The following EHMT1 variants were observed in gnomAD, a reference collection of about 807,000 sequenced individuals.
EHMT1 encodes the protein histone-lysine N-methyltransferase EHMT1.
In EHMT1, 15 loss-of-function variants were observed where a neutral mutation model predicts 147.2. The ratio of observed to expected loss-of-function variants is 0.10; its 90% CI spans 0.07 to 0.16. The LOEUF (loss-of-function observed/expected upper bound fraction) is 0.16, where lower values mean the gene tolerates loss of function less well. Among genes scored for constraint, EHMT1 ranks in the 10% least tolerant of loss-of-function variants. The pLI, the probability that EHMT1 is intolerant of heterozygous loss-of-function variation, is 1.00. For missense variants in EHMT1, 1,587 were observed against 1,772.4 expected (o/e 0.90, Z 1.88); for synonymous variants, 795 against 709.6 (o/e 1.12, Z -1.91).
intron 14 of EHMT1, 141 bp downstream of exon 14, chr9:137,779,858 G>A (rs1228169574): frequency 5.6e-6 from 5 of 893,808 alleles, no homozygotes; most frequent in East Asian, 5.3e-5. Flanking sequence ...TCTGATGAGT[G>A]AGAATAGGTT....
chr9:137,644,226 C>T (rs958200823), intron 1 of EHMT1, among the ~76,000 whole-genome samples: 3 of 151,914 alleles, frequency 2.0e-5, no homozygotes, highest in East Asian at 1.9e-4. Flanking sequence ...AAAGCAGCCA[C>T]GGGCAATACG....
At chr9:137,645,304 A>G (rs2133870846) in intron 1 of EHMT1, among the ~76,000 whole-genome samples, 1 of 152,338 alleles carries the variant, frequency 6.6e-6, no homozygotes, top group South Asian at 2.1e-4. Context: ...TGATTTACAT[A>G]TGTTTTTGTG....
intron 19 of EHMT1, 152 bp downstream of exon 19, chr9:137,811,767 C>G (rs79637613): frequency 9.5e-7 from 1 of 1,058,014 alleles, no homozygotes; most frequent in Non-Finnish European, 1.4e-6. Context: ...GTGTTCCACA[C>G]GCAGAGAAGT....
In EHMT1 at chr9:137,777,924, T is replaced by C. The variant is rs771584409; in HGVS notation, c.2061T>C (p.Gly687=). Residue 687 remains glycine, a synonymous_variant, in exon 13 of 27, where the codon GGT becomes GGC. Coordinates refer to ENST00000460843, the MANE Select transcript of EHMT1 (RefSeq NM_024757.5). Reference sequence around the variant, plus strand: ...TCTCGGAGGACGACAAGCTGCAGGGTGCAGCCTCCCACGTGCCCGAGGGCT... The same window carrying C: ...TCTCGGAGGACGACAAGCTGCAGGGCGCAGCCTCCCACGTGCCCGAGGGCT... The part of the protein sequence containing the change: ...PPLSEDDKLQ[G]AASHVPEGFD... 10 of 1,613,486 alleles carry C rather than the reference T, an allele frequency of 6.2e-6. No homozygotes were observed. The East Asian group carries it at 1.6e-4, about 25-fold the overall frequency.
chr9:137,742,289 T>TTGTGTGTGTGTGTGTGTGTGTGTGTG (rs56080406), intron 4 of EHMT1, among the ~76,000 whole-genome samples: 1 of 135,070 alleles, frequency 7.4e-6, no homozygotes, highest in African/African-American at 2.9e-5. Flanking sequence ...AGAACCAAAT[T>TTGTGTGTGTGTGTGTGTGTGTGTGTG]TGTGTGTGTG....
At chr9:137,628,559 C>T (rs912606525) in intron 1 of EHMT1, among the ~76,000 whole-genome samples, 7 of 152,174 alleles carry the variant, frequency 4.6e-5, no homozygotes, top group South Asian at 2.1e-4. Flanking sequence ...GGATCACAGG[C>T]GTGAACTGCT....
At chr9:137,690,548 A>C (rs1171582661) in intron 1 of EHMT1, among the ~76,000 whole-genome samples, 1 of 151,508 alleles carries the variant, frequency 6.6e-6, no homozygotes, top group Non-Finnish European at 1.5e-5. Flanking sequence ...GATGTCGAAG[A>C]ATATATCTTG....
chr9:137,779,208 C>T (rs968855811), intron 13 of EHMT1, among the ~76,000 whole-genome samples: 1 of 152,226 alleles, frequency 6.6e-6, no homozygotes, highest in Admixed American at 6.5e-5. Context: ...GCTCTCACCG[C>T]CCAGGACATC....
At chr9:137,708,856 T>C (rs1944460438) in intron 1 of EHMT1, among the ~76,000 whole-genome samples, 1 of 152,192 alleles carries the variant, frequency 6.6e-6, no homozygotes, top group African/African-American at 2.4e-5. Flanking sequence ...TTTTGCCAGT[T>C]GTTCTTTTAA....
In EHMT1 at chr9:137,813,278, G is replaced by C; in HGVS notation, c.3035+105G>C. 5 of 1,556,846 alleles carry C rather than the reference G, an allele frequency of 3.2e-6. No homozygotes were observed. Among genetic ancestry groups the C allele is most frequent in the Non-Finnish European group, 4.3e-6 (5 of 1,156,914 alleles). Reference sequence around the variant, plus strand: ...GAAGCCGAAACATCCCCAGGCTGCAGTCCAAATTGTCAGGGCCAGGTGTTT... The same window carrying C: ...GAAGCCGAAACATCCCCAGGCTGCACTCCAAATTGTCAGGGCCAGGTGTTT... On this transcript the variant is annotated intron_variant, in intron 20 of 26. Transcript: ENST00000460843. The surrounding 1 kb of genome is among the most constrained non-coding windows in gnomAD (Gnocchi z 4.9).
intron 3 of EHMT1, among the ~76,000 whole-genome samples, chr9:137,726,553 GC>G (rs140134681): frequency 0.11 from 16,425 of 151,936 alleles, 2,821 homozygotes; most frequent in African/African-American, 0.37. Context: ...CCCCCTTTTG[GC>G]TGCTGTGGTT....
At chr9:137,819,672 C>A (rs947248661) in intron 25 of EHMT1, among the ~76,000 whole-genome samples, 14 of 146,222 alleles carry the variant, frequency 9.6e-5, no homozygotes, top group Admixed American at 4.9e-4. Context: ...CGCCGTGTGC[C>A]GAGACTGTAA....
intron 4 of EHMT1, among the ~76,000 whole-genome samples, chr9:137,738,002 G>A (rs1480173971): frequency 6.6e-6 from 1 of 152,096 alleles, no homozygotes; most frequent in African/African-American, 2.4e-5. Flanking sequence ...CAGACGAGCC[G>A]AGCCAACATA....
intron 3 of EHMT1, among the ~76,000 whole-genome samples, chr9:137,721,224 A>AC (rs147010464): frequency 1.6e-3 from 7 of 4,308 alleles, no homozygotes; most frequent in East Asian, 6.3e-3. Context: ...TCTCACACTC[A>AC]CCCCTCCCAG....
chr9:137,696,371 G>C (rs1036204625), intron 1 of EHMT1, among the ~76,000 whole-genome samples: 1 of 152,162 alleles, frequency 6.6e-6, no homozygotes, highest in Admixed American at 6.5e-5. Context: ...TGCTGTTACA[G>C]TTCCCAAGGA....
intron 10 of EHMT1, among the ~76,000 whole-genome samples, chr9:137,773,478 C>T (rs1321668448): frequency 6.6e-6 from 1 of 150,824 alleles, no homozygotes; most frequent in Admixed American, 6.6e-5. Flanking sequence ...CTCTTGCTGG[C>T]TTCAGGGTAG....
In EHMT1 at chr9:137,718,221, G is replaced by C. The variant is rs535107263; in HGVS notation, c.642+1039G>C. Among the ~76,000 whole-genome samples the C allele has an allele frequency of 8.5e-5, 13 of 152,328 alleles. No homozygotes were observed. The East Asian group carries it at 1.5e-3, about 18-fold the overall frequency. On this transcript the variant is annotated intron_variant, in intron 3 of 26. Coordinates refer to ENST00000460843, the MANE Select transcript of EHMT1 (RefSeq NM_024757.5). Reference sequence around the variant, plus strand: ...CGCACCGTGCTGATTTTCACACACAGGGCACGCGTGCTTCTCACACATGCT... The same window carrying C: ...CGCACCGTGCTGATTTTCACACACACGGCACGCGTGCTTCTCACACATGCT...
At chr9:137,774,258 G>A (rs1214954496) in intron 10 of EHMT1, among the ~76,000 whole-genome samples, 1 of 152,268 alleles carries the variant, frequency 6.6e-6, no homozygotes, top group Non-Finnish European at 1.5e-5. Context: ...TTCTGCCAGA[G>A]TTGAGCAGCC....
intron 18 of EHMT1, among the ~76,000 whole-genome samples, chr9:137,806,246 C>T (rs1165450444): frequency 6.6e-6 from 1 of 152,118 alleles, no homozygotes; most frequent in Non-Finnish European, 1.5e-5. Flanking sequence ...CAGAAATGAG[C>T]CACCACGCCC....
Sources: gnomAD v4.1 joint callset for allele counts (sites outside exome capture counted in the v4.1 genomes callset) on GRCh38, gnomAD v4.1.1 for gene constraint, Gnocchi (gnomAD v3.1) non-coding constraint, MANE v1.5 for transcripts, NCBI Gene and HGNC (gene_info 2026-07-23, HGNC 2026-07-21) for gene names.